The following MAF variants were observed in gnomAD, a reference collection of about 807,000 sequenced individuals.
MAF encodes transcription factor Maf.
Under a neutral mutation model 22.0 loss-of-function variants are expected in MAF, and 10 were observed. The observed-to-expected ratio is 0.45, with a 90% confidence interval of 0.28 to 0.77. The LOEUF is 0.77. Among genes scored for constraint, MAF ranks in the 30% least tolerant of loss-of-function variants. MAF has a pLI of 0.12. For missense variants in MAF, 544 were observed against 548.4 expected, an observed-to-expected ratio of 0.99 and a Z score of 0.08; for synonymous variants, 337 against 255.8, an observed-to-expected ratio of 1.32 and a Z score of -3.03.
At chr16:79,388,221 G>T in the MAF span, among the ~76,000 whole-genome samples, 2 of 150,186 alleles carry the variant, frequency 1.3e-5, no homozygotes, top group African/African-American at 4.9e-5. Context: ...ACATCCATTT[G>T]TCTGGGTTAT....
At chr16:79,477,871 C>T in the MAF span, among the ~76,000 whole-genome samples, 6 of 151,678 alleles carry the variant, frequency 4.0e-5, no homozygotes, top group South Asian at 2.1e-4. Context: ...ACTACAGGCG[C>T]GTGCCACCAG....
At chr16:79,502,692 TATAAATATAAATATAA>T in the MAF span, among the ~76,000 whole-genome samples, 326 of 16,512 alleles carry the variant, frequency 0.02, 18 homozygotes, top group African/African-American at 0.052. Flanking sequence ...TAAATATAAA[TATAAATATAAATATAA>T]ATATATATAT....
chr16:79,238,657 G>T, the MAF span, among the ~76,000 whole-genome samples: 3 of 151,774 alleles, frequency 2.0e-5, no homozygotes, highest in East Asian at 3.9e-4. Flanking sequence ...AATTTAATTC[G>T]AATTTTAGAT....
At chr16:79,300,869 A>G in the MAF span, among the ~76,000 whole-genome samples, 3 of 152,126 alleles carry the variant, frequency 2.0e-5, no homozygotes, top group Non-Finnish European at 2.9e-5. Flanking sequence ...AAAATTTACT[A>G]CAAAGTAAAG....
At chr16:79,284,725 A>C in the MAF span, among the ~76,000 whole-genome samples, 1 of 152,226 alleles carries the variant, frequency 6.6e-6, no homozygotes, top group Non-Finnish European at 1.5e-5. Context: ...TTCCACTTTA[A>C]CTTCCGTTTT....
At chr16:79,218,926 A>G in the MAF span, among the ~76,000 whole-genome samples, 2 of 152,152 alleles carry the variant, frequency 1.3e-5, no homozygotes, top group African/African-American at 2.4e-5. Flanking sequence ...TCACACCCCA[A>G]GCCTCTGTGG....
chr16:79,254,709 A>C, the MAF span, among the ~76,000 whole-genome samples: 1 of 152,160 alleles, frequency 6.6e-6, no homozygotes, highest in Non-Finnish European at 1.5e-5. Flanking sequence ...ATAATCCTCA[A>C]GAAACTCTCC....
chr16:79,401,635 C>T, the MAF span, among the ~76,000 whole-genome samples: 2 of 152,084 alleles, frequency 1.3e-5, no homozygotes. Flanking sequence ...GGGTACCACT[C>T]TCACATTCCA....
At chr16:79,420,799 G>A in the MAF span, among the ~76,000 whole-genome samples, 27 of 152,216 alleles carry the variant, frequency 1.8e-4, no homozygotes, top group Admixed American at 1.6e-3. Context: ...GGAGGCCAAG[G>A]CGGGTGGATC....
chr16:79,236,778 G>T, the MAF span, among the ~76,000 whole-genome samples: 1 of 151,786 alleles, frequency 6.6e-6, no homozygotes, highest in East Asian at 1.9e-4. Flanking sequence ...ATCATAGTTC[G>T]TTCTTATTAG....
the MAF span, among the ~76,000 whole-genome samples, chr16:79,393,806 G>T: frequency 6.6e-6 from 1 of 152,156 alleles, no homozygotes; most frequent in East Asian, 1.9e-4. Flanking sequence ...AGGTGTTTAC[G>T]GAGGAGCTGA....
chr16:79,309,099 A>C, the MAF span, among the ~76,000 whole-genome samples: 1 of 152,168 alleles, frequency 6.6e-6, no homozygotes, highest in Non-Finnish European at 1.5e-5. Flanking sequence ...AAGGGAACAA[A>C]AGGCTATAGC....
At chr16:79,320,714 C>A in the MAF span, among the ~76,000 whole-genome samples, 3 of 152,188 alleles carry the variant, frequency 2.0e-5, no homozygotes, top group Non-Finnish European at 2.9e-5. Context: ...TCCCATAGAG[C>A]TGTTGTGAAC....
the MAF span, among the ~76,000 whole-genome samples, chr16:79,438,114 TG>T: frequency 6.6e-6 from 1 of 151,068 alleles, no homozygotes; most frequent in Non-Finnish European, 1.5e-5. Context: ...CCCGTGGCGT[TG>T]GGGGGGCAGG....
At chr16:79,414,856 C>G in the MAF span, among the ~76,000 whole-genome samples, 1 of 152,210 alleles carries the variant, frequency 6.6e-6, no homozygotes, top group East Asian at 1.9e-4. Flanking sequence ...CCAGGGAACT[C>G]CTCCACGACA....
chr16:79,248,168 C>CTT, the MAF span, among the ~76,000 whole-genome samples: 3 of 142,578 alleles, frequency 2.1e-5, no homozygotes, highest in Admixed American at 7.1e-5. Flanking sequence ...ACTGGAATTA[C>CTT]TTTTTTTTTT....
At chr16:79,339,555 T>G in the MAF span, among the ~76,000 whole-genome samples, 1 of 152,190 alleles carries the variant, frequency 6.6e-6, no homozygotes, top group Non-Finnish European at 1.5e-5. Context: ...AGAGATAGCT[T>G]GTGTTAAGCC....
the MAF span, among the ~76,000 whole-genome samples, chr16:79,234,475 G>A: frequency 6.6e-6 from 1 of 152,072 alleles, no homozygotes. Flanking sequence ...TTGTAAAATA[G>A]TGTATTATTC....
At chr16:79,358,938 G>A in the MAF span, among the ~76,000 whole-genome samples, 2 of 152,124 alleles carry the variant, frequency 1.3e-5, no homozygotes, top group Non-Finnish European at 1.5e-5. Flanking sequence ...TTCGGTACAG[G>A]CCACCCCTGG....
Sources: allele counts gnomAD v4.1 joint callset (sites outside exome capture counted in the v4.1 genomes callset), GRCh38; gene constraint gnomAD v4.1.1; transcripts MANE v1.5; gene names NCBI Gene and HGNC (gene_info 2026-07-23, HGNC 2026-07-21).